ITGA4: variants seen among roughly 807,000 people sequenced by gnomAD.
ITGA4 encodes the protein integrin subunit alpha 4, also known as integrin alpha-4.
In ITGA4, 63 loss-of-function variants were observed where a neutral mutation model predicts 133.6. That is an observed-to-expected ratio of 0.47 (90% CI 0.38 to 0.58). The LOEUF (loss-of-function observed/expected upper bound fraction) is 0.58, where lower values mean the gene tolerates loss of function less well. Among genes scored for constraint, ITGA4 ranks in the 20% least tolerant of loss-of-function variants. The probability of loss-of-function intolerance (pLI) is 0.00; values close to 1 mark genes in which losing one functional copy is unlikely to be tolerated. For missense variants in ITGA4, 1,076 were observed against 1,252.7 expected (o/e 0.86, Z 2.13); for synonymous variants, 483 against 438.0 (o/e 1.10, Z -1.28).
At chr2:181,462,046 A>T (rs962078462) in intron 2 of ITGA4, among the ~76,000 whole-genome samples, 77 of 152,286 alleles carry the variant, frequency 5.1e-4, no homozygotes, top group African/African-American at 1.8e-3. Context: ...TACTTTTTTC[A>T]TGTGGCTATT....
chr2:181,509,891 T>C (rs1686472803), intron 16 of ITGA4, 84 bp downstream of exon 16: 1 of 989,766 alleles, frequency 1.0e-6, no homozygotes, highest in Non-Finnish European at 1.5e-6. Context: ...AGAAGTGAAC[T>C]ATATGTCGGA....
At chr2:181,466,304 A>G (rs1169139996) in intron 2 of ITGA4, among the ~76,000 whole-genome samples, 1 of 152,108 alleles carries the variant, frequency 6.6e-6, no homozygotes, top group Admixed American at 6.6e-5. Flanking sequence ...GATAAAAAAA[A>G]ATAGCTGAAA....
Position 181,482,384 on chromosome 2 carries a change from A to G in ITGA4, c.865A>G (p.Lys289Glu), listed in dbSNP as rs758577158. 1 of 1,612,690 alleles carries G rather than the reference A, an allele frequency of 6.2e-7. No homozygotes were observed. Among genetic ancestry groups the G allele is most frequent in the South Asian group, 1.1e-5 (1 of 90,886 alleles). The stretch of plus-strand genomic sequence containing the variant: ...GGCATATATATTCAGCATTGATGAA[A>G]AAGAACTAAATATCTTACATGAAAT... ...GKAYIFSIDEKELNILHEMKG... is the reference protein window; with the variant it reads ...GKAYIFSIDEEELNILHEMKG... The change falls in exon 8 of 28, where the codon AAA becomes GAA. Residue 289 changes from lysine to glutamate, a missense_variant. By Grantham distance (56) the Lys-to-Glu change is moderately conservative. Transcript: ENST00000397033.
intron 17 of ITGA4, among the ~76,000 whole-genome samples, chr2:181,520,817 C>T (rs894903974): frequency 6.6e-6 from 1 of 152,054 alleles, no homozygotes; most frequent in African/African-American, 2.4e-5. Flanking sequence ...TATTTGGGAA[C>T]GATGAACTTA....
intron 2 of ITGA4, among the ~76,000 whole-genome samples, chr2:181,464,175 T>A (rs1273168610): frequency 6.6e-6 from 1 of 150,918 alleles, no homozygotes; most frequent in Non-Finnish European, 1.5e-5. Flanking sequence ...AGGAAGAGAG[T>A]GTTTTGAGAA....
At chr2:181,494,877 G>C in intron 12 of ITGA4, 65 bp downstream of exon 12, 1 of 864,068 alleles carries the variant, frequency 1.2e-6, no homozygotes, top group Non-Finnish European at 2.0e-6. Flanking sequence ...CTGCTTTATA[G>C]TGAAGTACGT....
At chr2:181,487,903 A>G (rs532288313) in intron 10 of ITGA4, among the ~76,000 whole-genome samples, 1 of 152,312 alleles carries the variant, frequency 6.6e-6, no homozygotes, top group Admixed American at 6.5e-5. Flanking sequence ...ATGCATTTTG[A>G]TTTGTCATGT....
chr2:181,510,390 C>A (rs1253936650), intron 16 of ITGA4, among the ~76,000 whole-genome samples: 1 of 152,084 alleles, frequency 6.6e-6, no homozygotes. Context: ...TAAATTATCT[C>A]AAAATATTTA....
At chr2:181,464,706 TCAGCCTCATTC>T (rs1477097959) in intron 2 of ITGA4, among the ~76,000 whole-genome samples, 2 of 152,128 alleles carry the variant, frequency 1.3e-5, no homozygotes, top group Admixed American at 6.6e-5. Context: ...GCTGCACATT[TCAGCCTCATTC>T]CAAAGTGTCT....
At chr2:181,535,394 A>C (rs200503472) in intron 27 of ITGA4, 38 bp from the exon 28 acceptor site, 13 of 1,497,796 alleles carry the variant, frequency 8.7e-6, no homozygotes, top group Non-Finnish European at 1.2e-5. Context: ...GAGAGTGTTC[A>C]TAACTATACA....
At chr2:181,525,745 C>A (rs1375490) in intron 21 of ITGA4, among the ~76,000 whole-genome samples, 105,678 of 152,086 alleles carry the variant, frequency 0.69, 37,055 homozygotes, top group South Asian at 0.89. Flanking sequence ...GATCTGGCTG[C>A]AAGGTGTCCC....
chr2:181,532,456 G>A (rs1279059332), intron 25 of ITGA4, among the ~76,000 whole-genome samples: 1 of 152,048 alleles, frequency 6.6e-6, no homozygotes, highest in African/African-American at 2.4e-5. Flanking sequence ...AGTGCTCCTT[G>A]AAGAGGTCCT....
At chr2:181,478,913 A>T in intron 5 of ITGA4, 89 bp downstream of exon 5, 1 of 629,392 alleles carries the variant, frequency 1.6e-6, no homozygotes, top group Non-Finnish European at 2.5e-6. Context: ...GTTTTAAAGT[A>T]AAAATTGTGT....
intron 7 of ITGA4, among the ~76,000 whole-genome samples, chr2:181,481,925 C>T (rs1685814566): frequency 6.6e-6 from 1 of 152,062 alleles, no homozygotes; most frequent in Non-Finnish European, 1.5e-5. Context: ...TAAGATAGAA[C>T]TATCTAAAAA....
At chr2:181,460,566 A>AATATGTGTGT (rs79689303) in intron 2 of ITGA4, among the ~76,000 whole-genome samples, 25 of 148,070 alleles carry the variant, frequency 1.7e-4, no homozygotes, top group African/African-American at 6.0e-4. Context: ...TCTGTAGAAG[A>AATATGTGTGT]GTGTGTGTGT....
At chr2:181,469,307 C>A (rs896853884) in intron 2 of ITGA4, among the ~76,000 whole-genome samples, 6 of 152,142 alleles carry the variant, frequency 3.9e-5, no homozygotes, top group Non-Finnish European at 5.9e-5. Flanking sequence ...AAAGGCATAA[C>A]CATCTGTTAA....
At chr2:181,481,123 G>C (rs1685792272) in intron 6 of ITGA4, among the ~76,000 whole-genome samples, 1 of 152,072 alleles carries the variant, frequency 6.6e-6, no homozygotes, top group Non-Finnish European at 1.5e-5. Context: ...AGGATACTTT[G>C]AAATCGTTCA....
Position 181,536,972 on chromosome 2 carries a change from T to C in ITGA4, c.*1445T>C, listed in dbSNP as rs138526637. 7.0e-4 allele frequency: 315 copies of C among 452,482 alleles called. No individual in the cohort carries two copies. Among genetic ancestry groups the C allele is most frequent in the Non-Finnish European group, 8.3e-4 (188 of 226,262 alleles). The allele number at this position is 452,482 out of a possible 1,614,324, so 28.0% of individuals were successfully genotyped here. On this transcript the variant is annotated 3_prime_UTR_variant, in exon 28 of 28. Coordinates refer to ENST00000397033, the MANE Select transcript of ITGA4 (RefSeq NM_000885.6). ...CCCTGCCACTAGCCAGCCATCCTAA[T>C]TGATGAAAGTTATCTGTTCACAGGC... is the stretch of plus-strand genomic sequence containing the variant.
intron 17 of ITGA4, among the ~76,000 whole-genome samples, chr2:181,520,469 C>A (rs906362887): frequency 6.6e-6 from 1 of 151,794 alleles, no homozygotes; most frequent in Admixed American, 6.6e-5. Flanking sequence ...TCAACAGACA[C>A]CATTATCTAG....
Sources: gnomAD v4.1 joint callset for allele counts (sites outside exome capture counted in the v4.1 genomes callset) on GRCh38, gnomAD v4.1.1 for gene constraint, MANE v1.5 for transcripts, NCBI Gene and HGNC (gene_info 2026-07-23, HGNC 2026-07-21) for gene names.